Variants in NCK1 observed in about 807,000 individuals in gnomAD.
NCK1 encodes the protein NCK adaptor protein 1.
In NCK1, 19 loss-of-function variants were observed where a neutral mutation model predicts 36.6. The ratio of observed to expected loss-of-function variants is 0.52; its 90% CI spans 0.36 to 0.76. The LOEUF is 0.76. Ranked by LOEUF, NCK1 falls within the 30% of genes least tolerant of loss-of-function variation. NCK1 has a pLI of 0.00. For synonymous variants in NCK1, 165 were observed against 156.0 expected, an observed-to-expected ratio of 1.06 and a Z score of -0.43; for missense variants, 358 against 445.6, an observed-to-expected ratio of 0.80 and a Z score of 1.77.
intron 1 of NCK1, among the ~76,000 whole-genome samples, chr3:136,867,125 TTTCTTTCCTTCCTTCCTTCC>T (rs1938461369): frequency 1.2e-4 from 3 of 25,222 alleles, no homozygotes; most frequent in South Asian, 3.4e-3. Context: ...TCTTTGTTTC[TTTCTTTCCTTCCTTCCTTCC>T]TTCCTTCCTT....
At chr3:136,945,512 A>G (rs903641259) in intron 2 of NCK1, 71 bp from the exon 3 acceptor site, 55 of 1,114,620 alleles carry the variant, frequency 4.9e-5, no homozygotes, top group Non-Finnish European at 6.6e-5. Flanking sequence ...CTTTTTAATA[A>G]TGAATAAGTT....
At chr3:136,865,027 T>C (rs1390404329) in intron 1 of NCK1, among the ~76,000 whole-genome samples, 5 of 151,898 alleles carry the variant, frequency 3.3e-5, no homozygotes, top group Non-Finnish European at 7.4e-5. Context: ...GGCGGGATCT[T>C]GGCTCACTGC....
At chr3:136,899,563 C>T in intron 1 of NCK1, 1 of 577,496 alleles carries the variant, frequency 1.7e-6, no homozygotes, top group Non-Finnish European at 3.3e-6. Flanking sequence ...GCACTATTGC[C>T]ATCACTGCCT....
At chr3:136,908,446 T>C (rs2108108358) in intron 1 of NCK1, among the ~76,000 whole-genome samples, 1 of 152,232 alleles carries the variant, frequency 6.6e-6, no homozygotes, top group Non-Finnish European at 1.5e-5. Flanking sequence ...GCTTGCAAAG[T>C]GAGGGTGAGG....
chr3:136,942,789 C>T (rs961255299), intron 2 of NCK1, among the ~76,000 whole-genome samples: 3 of 152,192 alleles, frequency 2.0e-5, no homozygotes, highest in Non-Finnish European at 4.4e-5. Flanking sequence ...TTCCTTGTCC[C>T]AGTTGTTGTC....
intron 1 of NCK1, among the ~76,000 whole-genome samples, chr3:136,886,450 A>G (rs970475272): frequency 6.6e-6 from 1 of 152,074 alleles, no homozygotes; most frequent in Non-Finnish European, 1.5e-5. Flanking sequence ...TACCTAATAC[A>G]TTGTAAATGG....
At chr3:136,908,326 T>C (rs1204605444) in intron 1 of NCK1, among the ~76,000 whole-genome samples, 1 of 152,178 alleles carries the variant, frequency 6.6e-6, no homozygotes, top group Non-Finnish European at 1.5e-5. Context: ...TTAGAACAGA[T>C]CATGTATGCC....
chr3:136,865,446 T>C (rs573729422), intron 1 of NCK1, among the ~76,000 whole-genome samples: 1 of 152,358 alleles, frequency 6.6e-6, no homozygotes, highest in Admixed American at 6.5e-5. Flanking sequence ...ACTTTTACTT[T>C]GTCTTATTTT....
intron 2 of NCK1, among the ~76,000 whole-genome samples, chr3:136,930,190 A>G (rs190844518): frequency 8.6e-4 from 131 of 152,294 alleles, no homozygotes; most frequent in Non-Finnish European, 1.4e-3. Context: ...TTGTTTCGCA[A>G]TGGTTGTGCT....
intron 2 of NCK1, among the ~76,000 whole-genome samples, chr3:136,944,059 T>C (rs547380109): frequency 1.4e-5 from 2 of 146,108 alleles, no homozygotes; most frequent in Non-Finnish European, 3.0e-5. Context: ...GATCAGATAA[T>C]AAAGAGTTGG....
intron 2 of NCK1, among the ~76,000 whole-genome samples, chr3:136,931,017 T>A (rs529445792): frequency 6.6e-6 from 1 of 152,236 alleles, no homozygotes; most frequent in South Asian, 2.1e-4. Flanking sequence ...TACTTTTTTT[T>A]TAGCGGAACA....
intron 2 of NCK1, among the ~76,000 whole-genome samples, chr3:136,941,230 A>G (rs768938625): frequency 2.0e-5 from 3 of 150,190 alleles, no homozygotes; most frequent in Admixed American, 6.7e-5. Flanking sequence ...GGTTCAAGCG[A>G]CACTTATATG....
chr3:136,914,172 G>A (rs1239282168), intron 1 of NCK1, among the ~76,000 whole-genome samples: 3 of 152,226 alleles, frequency 2.0e-5, no homozygotes, highest in Non-Finnish European at 4.4e-5. Context: ...TTCTGTGTCT[G>A]TATCTCAGTG....
chr3:136,898,966 CT>C (rs1270399828), intron 1 of NCK1: 1 of 153,098 alleles, frequency 6.5e-6, no homozygotes, highest in African/African-American at 2.4e-5. Flanking sequence ...TAATGGATTC[CT>C]TTGTATTACA....
At chr3:136,882,911 T>C (rs370705394) in intron 1 of NCK1, among the ~76,000 whole-genome samples, 150 of 152,320 alleles carry the variant, frequency 9.8e-4, no homozygotes, top group African/African-American at 3.4e-3. Context: ...ATTTCCTTGC[T>C]TAAAACCCTT....
chr3:136,938,187 C>CT (rs2108142299), intron 2 of NCK1, among the ~76,000 whole-genome samples: 1 of 152,226 alleles, frequency 6.6e-6, no homozygotes, highest in Admixed American at 6.5e-5. Flanking sequence ...CTTTGTTTTA[C>CT]TAATATGAGG....
At chr3:136,866,191 T>C (rs1288013293) in intron 1 of NCK1, among the ~76,000 whole-genome samples, 1 of 152,246 alleles carries the variant, frequency 6.6e-6, no homozygotes, top group African/African-American at 2.4e-5. Flanking sequence ...TTCTTTTTTT[T>C]TAATCAGTGC....
intron 1 of NCK1, among the ~76,000 whole-genome samples, chr3:136,871,541 G>A (rs886911690): frequency 6.6e-6 from 1 of 152,172 alleles, no homozygotes; most frequent in African/African-American, 2.4e-5. Flanking sequence ...CATTTTTAGT[G>A]TTCGAAAAGG....
rs773904004 is a variant in NCK1, at chr3:136,948,424, A to C, written c.1105A>C (p.Lys369Gln). Reference protein sequence around the residue: ...APIFTSEQGEKLYLVKHLS With the variant: ...APIFTSEQGEQLYLVKHLS ...AATTTTTACAAGTGAACAAGGAGAAAAATTATATCTTGTCAAGCATTTATC... is the reference window on the plus strand; with the variant it reads ...AATTTTTACAAGTGAACAAGGAGAACAATTATATCTTGTCAAGCATTTATC... The change falls in exon 4 of 4, where the codon AAA (lysine) becomes CAA (glutamine). Residue 369 changes from lysine (K) to glutamine (Q), a missense_variant. Lys to Gln is a moderately conservative substitution (Grantham distance 53). This residue lies in a region of NCK1 where 207 missense variants were observed against 253.4 expected (regional missense o/e 0.82). Coordinates refer to ENST00000481752, the MANE Select transcript of NCK1 (RefSeq NM_001291999.2). 3 of 1,612,564 alleles carry C rather than the reference A, an allele frequency of 1.9e-6. No homozygotes were observed. In the South Asian group the frequency reaches 3.3e-5, roughly 18 times the overall value.
Sources: gnomAD v4.1 joint callset for allele counts (sites outside exome capture counted in the v4.1 genomes callset) on GRCh38, gnomAD v4.1.1 for gene constraint, gnomAD v4.1.1 regional missense constraint, MANE v1.5 for transcripts, NCBI Gene and HGNC (gene_info 2026-07-23, HGNC 2026-07-21) for gene names.